Variants in TUSC3 observed in about 807,000 individuals in gnomAD.
TUSC3 encodes dolichyl-diphosphooligosaccharide--protein glycosyltransferase subunit TUSC3.
In TUSC3, 45 loss-of-function variants were observed where a neutral mutation model predicts 44.8. The observed-to-expected ratio is 1.00, with a 90% CI of 0.79 to 1.29. The LOEUF (loss-of-function observed/expected upper bound fraction) is 1.29, where lower values mean the gene tolerates loss of function less well. Among genes scored for constraint, TUSC3 ranks in the 50% most tolerant of loss-of-function variants. The pLI, the probability that TUSC3 is intolerant of heterozygous loss-of-function variation, is 0.00. For synonymous variants in TUSC3, 212 were observed against 152.9 expected (o/e 1.39, Z -2.85); for missense variants, 519 against 437.9 (o/e 1.19, Z -1.65).
intron 1 of TUSC3, among the ~76,000 whole-genome samples, chr8:15,578,874 T>C (rs893202214): frequency 1.3e-5 from 2 of 152,084 alleles, no homozygotes; most frequent in Non-Finnish European, 2.9e-5. Context: ...TTGATTGGAA[T>C]AGTTTCAGAA....
At chr8:15,732,284 G>C (rs1810754012) in intron 7 of TUSC3, among the ~76,000 whole-genome samples, 1 of 152,108 alleles carries the variant, frequency 6.6e-6, no homozygotes, top group Admixed American at 6.6e-5. Flanking sequence ...GGAGGTAATT[G>C]AATTTTGGGG....
the TUSC3 span, among the ~76,000 whole-genome samples, chr8:15,780,567 A>G: frequency 1.3e-5 from 2 of 152,116 alleles, no homozygotes; most frequent in Non-Finnish European, 2.9e-5. Context: ...TTGCCAGCAT[A>G]CTCTGCCGCC....
chr8:15,848,305 T>G, the TUSC3 span, among the ~76,000 whole-genome samples: 1 of 152,182 alleles, frequency 6.6e-6, no homozygotes, highest in Non-Finnish European at 1.5e-5. Context: ...TTCTCAAGAA[T>G]AACTGTAGAA....
chr8:15,673,702 G>T, intron 5 of TUSC3, 45 bp from the exon 6 acceptor site: 1 of 1,396,242 alleles, frequency 7.2e-7, no homozygotes. Flanking sequence ...CATTATTCTG[G>T]TATTCTCTGG....
At chr8:15,521,606 G>C (rs1455713424) in intron 2 of TUSC3, among the ~76,000 whole-genome samples, 1 of 145,216 alleles carries the variant, frequency 6.9e-6, no homozygotes, top group Admixed American at 6.6e-5. Context: ...CAAACGATAG[G>C]TAATTACCCC....
intron 6 of TUSC3, among the ~76,000 whole-genome samples, chr8:15,690,821 A>G (rs12906603): frequency 1.3e-5 from 2 of 151,618 alleles, no homozygotes; most frequent in African/African-American, 2.4e-5. Context: ...GGTGTGCAGC[A>G]TTACTTCTGT....
rs1159993832 is a variant in TUSC3 at position 15,630,858 on chromosome 8, G to C, written c.308+7609G>C. Among the ~76,000 whole-genome samples, 3 of 152,126 alleles carry C rather than the reference G, an allele frequency of 2.0e-5. No homozygotes were observed. The East Asian group carries it at 5.8e-4, about 29-fold the overall frequency. ...GTGGAAAAGAGCCTATCACCCTTTT[G>C]TTTCCTTACAGAGAGGTCACACCTC... On this transcript the variant is annotated intron_variant, in intron 2 of 10. Coordinates refer to ENST00000503731, the MANE Select transcript of TUSC3 (RefSeq NM_006765.4).
chr8:15,422,500 C>G (rs947748687), intron 1 of TUSC3, among the ~76,000 whole-genome samples: 3 of 152,134 alleles, frequency 2.0e-5, no homozygotes, highest in Non-Finnish European at 4.4e-5. Context: ...AGTTCAAGAG[C>G]TCTAGTGTAC....
At chr8:15,429,777 A>G (rs1218375147) in intron 1 of TUSC3, among the ~76,000 whole-genome samples, 2 of 151,698 alleles carry the variant, frequency 1.3e-5, no homozygotes, top group East Asian at 1.9e-4. Context: ...AAATAGATGC[A>G]ATAAAAAATG....
At chr8:15,695,532 G>A (rs533997088) in intron 6 of TUSC3, among the ~76,000 whole-genome samples, 1 of 152,302 alleles carries the variant, frequency 6.6e-6, no homozygotes, top group South Asian at 2.1e-4. Flanking sequence ...ATTGGTACTG[G>A]TGGAGTGGGG....
At chr8:15,566,654 C>G (rs1802688547) in intron 1 of TUSC3, among the ~76,000 whole-genome samples, 1 of 151,050 alleles carries the variant, frequency 6.6e-6, no homozygotes, top group Non-Finnish European at 1.5e-5. Context: ...GGGTCTTGCT[C>G]TGTTGCTCAG....
chr8:15,830,064 T>A, the TUSC3 span, among the ~76,000 whole-genome samples: 1 of 152,142 alleles, frequency 6.6e-6, no homozygotes, highest in African/African-American at 2.4e-5. Flanking sequence ...GAGCATTTTT[T>A]AATGTTTGTT....
intron 6 of TUSC3, among the ~76,000 whole-genome samples, chr8:15,717,144 T>A (rs1810090057): frequency 6.6e-6 from 1 of 152,028 alleles, no homozygotes; most frequent in African/African-American, 2.4e-5. Flanking sequence ...AAAATACAGG[T>A]CAAATGTTAT....
At chr8:15,426,691 C>T (rs914388025) in intron 1 of TUSC3, among the ~76,000 whole-genome samples, 2 of 152,190 alleles carry the variant, frequency 1.3e-5, no homozygotes, top group Non-Finnish European at 1.5e-5. Context: ...TTGTAATGAA[C>T]ATGGGTGAAG....
At chr8:15,589,159 G>A (rs1803719049) in intron 1 of TUSC3, among the ~76,000 whole-genome samples, 1 of 152,040 alleles carries the variant, frequency 6.6e-6, no homozygotes, top group East Asian at 1.9e-4. Context: ...CCATTTACGT[G>A]GGATATATTT....
chr8:15,522,270 T>C (rs1801309295), intron 2 of TUSC3, among the ~76,000 whole-genome samples: 7 of 151,982 alleles, frequency 4.6e-5, no homozygotes, highest in Admixed American at 4.6e-4. Context: ...TCTTGCTCTA[T>C]CGCCCATGCT....
rs561821640 is a variant in TUSC3 at position 15,593,685 on chromosome 8, G to A, written c.139-29395G>A. Among the ~76,000 whole-genome samples, 138 of 151,968 alleles carry A rather than the reference G, an allele frequency of 9.1e-4. 1 individual carries two copies. The highest frequency in any genetic ancestry group is 1.2e-3 in the South Asian group (6 of 4,810). On this transcript the variant is annotated intron_variant, in intron 1 of 10. Coordinates refer to ENST00000503731, the MANE Select transcript of TUSC3 (RefSeq NM_006765.4). ...TCTGTTATCTGTGCCTTCATTTCTT[G>A]TAGTCTTTCCTCATTTCTACCATTA...
At chr8:15,816,915 A>C in the TUSC3 span, among the ~76,000 whole-genome samples, 1 of 152,238 alleles carries the variant, frequency 6.6e-6, no homozygotes. Context: ...AAAGAGAAAA[A>C]GTAAATTCAT....
At chr8:15,554,261 T>A (rs928925867) in intron 1 of TUSC3, among the ~76,000 whole-genome samples, 11 of 151,782 alleles carry the variant, frequency 7.2e-5, no homozygotes, top group African/African-American at 2.7e-4. Flanking sequence ...GATTTAACTT[T>A]CCTAATATTT....
Sources: gnomAD v4.1 joint callset for allele counts (sites outside exome capture counted in the v4.1 genomes callset) on GRCh38, gnomAD v4.1.1 for gene constraint, MANE v1.5 for transcripts, NCBI Gene and HGNC (gene_info 2026-07-23, HGNC 2026-07-21) for gene names.